Variants in THSD7B observed in about 807,000 individuals in gnomAD.
THSD7B encodes the protein thrombospondin type-1 domain-containing protein 7B.
A neutral mutation model predicts 213.6 loss-of-function variants in THSD7B; 138 were observed. That is an observed-to-expected ratio of 0.65 (90% CI 0.56 to 0.74). THSD7B has a LOEUF of 0.74. Among genes scored for constraint, THSD7B ranks in the 30% least tolerant of loss-of-function variants. The pLI, the probability that THSD7B is intolerant of heterozygous loss-of-function variation, is 0.00. For missense variants in THSD7B, 1,931 were observed against 1,991.5 expected (o/e 0.97, Z 0.58); for synonymous variants, 742 against 687.0 (o/e 1.08, Z -1.25).
At chr2:137,364,341 T>C (rs568259028) in intron 12 of THSD7B, among the ~76,000 whole-genome samples, 23 of 152,202 alleles carry the variant, frequency 1.5e-4, no homozygotes, top group African/African-American at 5.1e-4. Flanking sequence ...GCACAAGACA[T>C]GGATGCCATC....
chr2:136,857,803 A>G (rs1683199214), intron 1 of THSD7B, among the ~76,000 whole-genome samples: 1 of 152,194 alleles, frequency 6.6e-6, no homozygotes, highest in Non-Finnish European at 1.5e-5. Flanking sequence ...TTGAGGAACA[A>G]AGAGTGTTCA....
At chr2:136,922,522 T>C (rs1257666192) in intron 2 of THSD7B, among the ~76,000 whole-genome samples, 3 of 152,184 alleles carry the variant, frequency 2.0e-5, no homozygotes, top group Non-Finnish European at 4.4e-5. Context: ...CAACCAGAAA[T>C]TGTACTTAGA....
chr2:136,854,437 C>T (rs529939766), intron 1 of THSD7B, among the ~76,000 whole-genome samples: 1 of 151,818 alleles, frequency 6.6e-6, no homozygotes, highest in Non-Finnish European at 1.5e-5. Flanking sequence ...TAAGTGGGCA[C>T]ATTTCCTTAA....
chr2:137,396,111 C>A (rs1459174165), intron 12 of THSD7B, among the ~76,000 whole-genome samples: 1 of 148,556 alleles, frequency 6.7e-6, no homozygotes, highest in African/African-American at 2.5e-5. Context: ...TTTCAAAAAA[C>A]CAGCTCCTGG....
At chr2:137,343,357 G>A (rs2104910198) in intron 12 of THSD7B, among the ~76,000 whole-genome samples, 1 of 151,738 alleles carries the variant, frequency 6.6e-6, no homozygotes, top group East Asian at 1.9e-4. Context: ...TTCAGTCTTA[G>A]TGAGTGATAT....
At chr2:137,487,370 G>T (rs1234143023) in intron 15 of THSD7B, among the ~76,000 whole-genome samples, 2 of 20,834 alleles carry the variant, frequency 9.6e-5, no homozygotes, top group Non-Finnish European at 1.5e-4. Flanking sequence ...GCGAGACTCC[G>T]TCTCAAAAAA....
chr2:137,351,333 T>G (rs1685009651), intron 12 of THSD7B, among the ~76,000 whole-genome samples: 1 of 151,956 alleles, frequency 6.6e-6, no homozygotes, highest in Non-Finnish European at 1.5e-5. Flanking sequence ...TTAATATATT[T>G]TTGTCATCAC....
intron 12 of THSD7B, among the ~76,000 whole-genome samples, chr2:137,311,649 A>T (rs1683910280): frequency 6.6e-6 from 1 of 152,042 alleles, no homozygotes; most frequent in African/African-American, 2.4e-5. Context: ...GGTTTGTCAT[A>T]GATAGCTCTT....
intron 10 of THSD7B, among the ~76,000 whole-genome samples, chr2:137,243,900 A>T (rs948160672): frequency 3.3e-5 from 5 of 152,248 alleles, no homozygotes; most frequent in African/African-American, 9.6e-5. Flanking sequence ...AGAAATAAAT[A>T]CATTGAATAA....
intron 1 of THSD7B, among the ~76,000 whole-genome samples, chr2:136,791,790 G>A (rs1368293049): frequency 2.0e-5 from 3 of 151,928 alleles, no homozygotes; most frequent in African/African-American, 7.3e-5. Flanking sequence ...TTTGTCAGTT[G>A]GTGAACATTT....
chr2:137,616,998 C>T (rs1431114522), intron 18 of THSD7B, among the ~76,000 whole-genome samples: 1 of 151,938 alleles, frequency 6.6e-6, no homozygotes, highest in African/African-American at 2.4e-5. Context: ...CCACCACATG[C>T]CTGCAGAGGC....
chr2:137,090,873 T>C (rs1687936927), intron 3 of THSD7B, among the ~76,000 whole-genome samples: 1 of 152,314 alleles, frequency 6.6e-6, no homozygotes, highest in African/African-American at 2.4e-5. Context: ...TAATGAAGCT[T>C]AGCAGCTAAG....
intron 2 of THSD7B, among the ~76,000 whole-genome samples, chr2:136,902,839 G>A (rs1461901252): frequency 6.6e-6 from 1 of 152,186 alleles, no homozygotes; most frequent in Non-Finnish European, 1.5e-5. Flanking sequence ...AACGTCAGCG[G>A]CTCTGGAACC....
At chr2:137,375,012 G>A (rs957519148) in intron 12 of THSD7B, among the ~76,000 whole-genome samples, 1 of 152,178 alleles carries the variant, frequency 6.6e-6, no homozygotes, top group African/African-American at 2.4e-5. Context: ...TTCCACTTGG[G>A]TGCTATGAAG....
At chr2:137,073,169 A>T (rs1234996639) in intron 3 of THSD7B, among the ~76,000 whole-genome samples, 1 of 152,122 alleles carries the variant, frequency 6.6e-6, no homozygotes, top group Non-Finnish European at 1.5e-5. Flanking sequence ...GAATAGTTTC[A>T]GAAGGAATGG....
At chr2:137,662,816 A>G (rs1212039561) in intron 25 of THSD7B, among the ~76,000 whole-genome samples, 1 of 152,164 alleles carries the variant, frequency 6.6e-6, no homozygotes, top group Non-Finnish European at 1.5e-5. Context: ...GCACTTTGGG[A>G]AGCCGAGGTG....
At chr2:137,376,083 G>C (rs1310943324) in intron 12 of THSD7B, among the ~76,000 whole-genome samples, 3 of 152,208 alleles carry the variant, frequency 2.0e-5, no homozygotes, top group African/African-American at 4.8e-5. Context: ...ATAGCAATGA[G>C]ATAATTAATA....
chr2:137,111,535 C>T (rs1301948861), intron 4 of THSD7B, among the ~76,000 whole-genome samples: 1 of 152,098 alleles, frequency 6.6e-6, no homozygotes, highest in East Asian at 1.9e-4. Flanking sequence ...CCAATTCTGC[C>T]ATCTGTAAAA....
At chr2:137,536,374 C>A (rs1558830769) in intron 15 of THSD7B, among the ~76,000 whole-genome samples, 1 of 151,456 alleles carries the variant, frequency 6.6e-6, no homozygotes, top group South Asian at 2.1e-4. Flanking sequence ...AGAGGGAGAT[C>A]TGAACTGAAC....
Sources: gnomAD v4.1 joint callset for allele counts (sites outside exome capture counted in the v4.1 genomes callset) on GRCh38, gnomAD v4.1.1 for gene constraint, MANE v1.5 for transcripts, NCBI Gene and HGNC (gene_info 2026-07-23, HGNC 2026-07-21) for gene names.